Variants in FHOD3 observed in about 807,000 individuals in gnomAD.
FHOD3 encodes the protein formin homology 2 domain containing 3, also known as FH1/FH2 domain-containing protein 3.
A neutral mutation model predicts 173.0 loss-of-function variants in FHOD3; 90 were observed. That is an observed-to-expected ratio of 0.52 (90% CI 0.44 to 0.62). The LOEUF is 0.62. Ranked by LOEUF, FHOD3 falls within the 20% of genes least tolerant of loss-of-function variation. The pLI is 0.00. For synonymous variants in FHOD3, 828 were observed against 823.0 expected, an observed-to-expected ratio of 1.01 and a Z score of -0.10; for missense variants, 1,945 against 2,034.7, an observed-to-expected ratio of 0.96 and a Z score of 0.85.
chr18:36,606,211 G>C (rs1028652483), intron 8 of FHOD3, among the ~76,000 whole-genome samples: 7 of 152,142 alleles, frequency 4.6e-5, no homozygotes, highest in Non-Finnish European at 8.8e-5. Context: ...TCCATTTTGT[G>C]TTGCTGTAAC....
rs1398411630 is a variant in FHOD3 at position 36,649,349 on chromosome 18, G to A, written c.1230G>A (p.Thr410=). The A allele has an allele frequency of 2.5e-5, 38 of 1,535,680 alleles. No homozygotes were observed. In the East Asian group the frequency reaches 3.4e-4, roughly 14 times the overall value. ...EEEEEEEQPI[T]EPSSEEERED... is the part of the protein sequence containing the mutation. Reference sequence around the variant, plus strand: ...AGGAGGAAGAGGAGCAGCCAATCACGGAGCCCAGTTCCGAAGAAGAGAGAG... The same window carrying A: ...AGGAGGAAGAGGAGCAGCCAATCACAGAGCCCAGTTCCGAAGAAGAGAGAG... Residue 410 remains threonine, a synonymous_variant, in exon 11 of 29, where the codon ACG becomes ACA. Transcript: ENST00000590592.
intron 13 of FHOD3, among the ~76,000 whole-genome samples, chr18:36,655,678 GT>G (rs2036374788): frequency 6.6e-6 from 1 of 152,030 alleles, no homozygotes; most frequent in Non-Finnish European, 1.5e-5. Flanking sequence ...CTACTCAGTG[GT>G]TGACTGCGAT....
chr18:36,690,501 T>G (rs2038896252), intron 16 of FHOD3, among the ~76,000 whole-genome samples: 2 of 152,094 alleles, frequency 1.3e-5, no homozygotes, highest in African/African-American at 2.4e-5. Context: ...CTTAAGTCAT[T>G]GTCTAGGAAA....
At chr18:36,595,003 C>A in intron 7 of FHOD3, 105 bp downstream of exon 7, 1 of 695,680 alleles carries the variant, frequency 1.4e-6, no homozygotes, top group Non-Finnish European at 2.4e-6. Flanking sequence ...AATAGAATTC[C>A]CGAGATGTGG....
intron 3 of FHOD3, among the ~76,000 whole-genome samples, chr18:36,396,306 G>GT (rs1377631896): frequency 6.6e-6 from 1 of 152,114 alleles, no homozygotes; most frequent in African/African-American, 2.4e-5. Context: ...TTTTCTTATA[G>GT]TTTTCAATAT....
chr18:36,376,302 C>A (rs1013138477), intron 3 of FHOD3, among the ~76,000 whole-genome samples: 1 of 152,138 alleles, frequency 6.6e-6, no homozygotes, highest in East Asian at 1.9e-4. Context: ...GGGCTAAAAA[C>A]CCCTGGGCTT....
At chr18:36,493,820 G>A (rs967902990) in intron 3 of FHOD3, among the ~76,000 whole-genome samples, 1 of 152,150 alleles carries the variant, frequency 6.6e-6, no homozygotes, top group African/African-American at 2.4e-5. Context: ...CAGCCCAGGG[G>A]AAAAAGGAAA....
At chr18:36,682,473 T>G (rs1382311494) in intron 15 of FHOD3, among the ~76,000 whole-genome samples, 1 of 152,234 alleles carries the variant, frequency 6.6e-6, no homozygotes, top group Non-Finnish European at 1.5e-5. Context: ...GTTTCCTTAG[T>G]TCAGTTTCTT....
intron 3 of FHOD3, among the ~76,000 whole-genome samples, chr18:36,433,997 T>C (rs1358877347): frequency 6.6e-6 from 1 of 152,218 alleles, no homozygotes; most frequent in Non-Finnish European, 1.5e-5. Context: ...TCAATCACTC[T>C]AGGCCCTCTC....
At chr18:36,686,818 A>G (rs2038650878) in intron 15 of FHOD3, among the ~76,000 whole-genome samples, 2 of 152,160 alleles carry the variant, frequency 1.3e-5, no homozygotes, top group Admixed American at 6.5e-5. Flanking sequence ...TATTTTATTT[A>G]TGGATTTTTT....
chr18:36,378,030 C>T (rs2047534575), intron 3 of FHOD3, among the ~76,000 whole-genome samples: 1 of 152,196 alleles, frequency 6.6e-6, no homozygotes, highest in South Asian at 2.1e-4. Context: ...CCTTGCTGTG[C>T]TCCTCCCTGG....
chr18:36,777,083 C>A (rs1260443515), intron 28 of FHOD3, among the ~76,000 whole-genome samples: 2 of 151,910 alleles, frequency 1.3e-5, no homozygotes, highest in Non-Finnish European at 2.9e-5. Context: ...CATTCAGCCA[C>A]AATATATACC....
chr18:36,401,368 C>A (rs1271580280), intron 3 of FHOD3, among the ~76,000 whole-genome samples: 1 of 152,210 alleles, frequency 6.6e-6, no homozygotes, highest in Non-Finnish European at 1.5e-5. Context: ...CTTGGCCTTC[C>A]CAGCCTTCAG....
At chr18:36,325,175 G>T (rs1432765857) in intron 1 of FHOD3, among the ~76,000 whole-genome samples, 1 of 151,866 alleles carries the variant, frequency 6.6e-6, no homozygotes, top group Non-Finnish European at 1.5e-5. Flanking sequence ...AGAGGAGGGG[G>T]TTTTGACTGG....
intron 8 of FHOD3, among the ~76,000 whole-genome samples, chr18:36,603,322 A>G (rs965655851): frequency 6.6e-6 from 1 of 151,958 alleles, no homozygotes; most frequent in Non-Finnish European, 1.5e-5. Context: ...GCAGTACGGG[A>G]GAAAATCCTT....
Position 36,747,115 on chromosome 18 carries a change from C to T in FHOD3, c.4212C>T (p.Val1404=), listed in dbSNP as rs1191528561. The T allele has an allele frequency of 1.2e-6, 2 of 1,610,552 alleles. No individual in the cohort carries two copies. Among genetic ancestry groups the T allele is most frequent in the Admixed American group, 3.4e-5 (2 of 59,286 alleles). Residue 1404 remains valine (V), a synonymous_variant, in exon 24 of 29, where the codon GTC becomes GTT. Coordinates refer to ENST00000590592, the MANE Select transcript of FHOD3 (RefSeq NM_001281740.3). ...CAERIIILKI[V]HRRIINRFHS... ...AGCGAATTATAATTTTAAAGATTGT[C>T]CATAGAAGGATAATCAACAGGTAAG...
intron 6 of FHOD3, 148 bp from the exon 7 acceptor site, chr18:36,594,639 G>T (rs941970470): frequency 3.3e-6 from 2 of 605,056 alleles, no homozygotes; most frequent in South Asian, 2.0e-5. Context: ...TGTCTAATGA[G>T]GGATTGTGAG....
chr18:36,330,838 ATGAGTGAG>A (rs34029107), intron 1 of FHOD3, among the ~76,000 whole-genome samples: 28 of 151,098 alleles, frequency 1.9e-4, no homozygotes, highest in African/African-American at 4.6e-4. Context: ...TCTTTTTCTG[ATGAGTGAG>A]TGAGTGAGTG....
chr18:36,421,870 C>T (rs760209887), intron 3 of FHOD3, among the ~76,000 whole-genome samples: 1 of 152,126 alleles, frequency 6.6e-6, no homozygotes, highest in African/African-American at 2.4e-5. Flanking sequence ...AGAAAGAGAC[C>T]TGTAAAGGAG....
Sources: gnomAD v4.1 joint callset for allele counts (sites outside exome capture counted in the v4.1 genomes callset) on GRCh38, gnomAD v4.1.1 for gene constraint, MANE v1.5 for transcripts, NCBI Gene and HGNC (gene_info 2026-07-23, HGNC 2026-07-21) for gene names.